DCLK2: variants seen among roughly 807,000 people sequenced by gnomAD.
DCLK2 encodes the protein serine/threonine-protein kinase DCLK2.
Under a neutral mutation model 78.4 loss-of-function variants are expected in DCLK2, and 31 were observed. The observed-to-expected ratio is 0.40, with a 90% CI of 0.30 to 0.53. The LOEUF (loss-of-function observed/expected upper bound fraction) is 0.53. Ranked by LOEUF, DCLK2 falls within the 20% of genes least tolerant of loss-of-function variation. DCLK2 has a pLI of 0.61. For synonymous variants in DCLK2, 407 were observed against 374.9 expected, an observed-to-expected ratio of 1.09 and a Z score of -0.99; for missense variants, 872 against 973.7, an observed-to-expected ratio of 0.90 and a Z score of 1.39.
intron 2 of DCLK2, among the ~76,000 whole-genome samples, chr4:150,108,083 C>T (rs1186514248): frequency 1.3e-5 from 2 of 152,210 alleles, no homozygotes; most frequent in Admixed American, 1.3e-4. Flanking sequence ...AATATATAAC[C>T]TATGTTTATA....
At chr4:150,237,928 A>G (rs75217958) in intron 10 of DCLK2, among the ~76,000 whole-genome samples, 3,382 of 152,106 alleles carry the variant, frequency 0.022, 124 homozygotes, top group African/African-American at 0.077. Flanking sequence ...TGGACATCCA[A>G]GAGACAAATA....
At chr4:150,204,233 C>T (rs1211986761) in intron 5 of DCLK2, among the ~76,000 whole-genome samples, 4 of 151,926 alleles carry the variant, frequency 2.6e-5, no homozygotes, top group African/African-American at 9.7e-5. Context: ...CATCATGATT[C>T]TTTAAAAAAT....
chr4:150,239,682 C>G, intron 10 of DCLK2, 60 bp from the exon 11 acceptor site: 1 of 1,588,086 alleles, frequency 6.3e-7, no homozygotes, highest in Non-Finnish European at 8.6e-7. Context: ...ATTCCAAGAG[C>G]CCTCTCACAA....
At chr4:150,128,832 A>T (rs1440967499) in intron 2 of DCLK2, among the ~76,000 whole-genome samples, 1 of 152,136 alleles carries the variant, frequency 6.6e-6, no homozygotes, top group African/African-American at 2.4e-5. Context: ...GATTTTACAA[A>T]ATCTTCATAA....
At chr4:150,254,464 T>G in intron 15 of DCLK2, 1 of 398,846 alleles carries the variant, frequency 2.5e-6, no homozygotes, top group Non-Finnish European at 4.4e-6. Flanking sequence ...ACTGCCAGCC[T>G]GCCTTCTGCC....
chr4:150,131,995 C>T (rs377400902), intron 2 of DCLK2, among the ~76,000 whole-genome samples: 5 of 152,130 alleles, frequency 3.3e-5, no homozygotes, highest in East Asian at 1.9e-4. Flanking sequence ...AACCAAGCCT[C>T]GGGCTGTATA....
chr4:150,190,181 C>T (rs1738304397), intron 2 of DCLK2, among the ~76,000 whole-genome samples: 1 of 151,192 alleles, frequency 6.6e-6, no homozygotes, highest in Non-Finnish European at 1.5e-5. Context: ...CTAGCCTGGG[C>T]AACAGAGTTG....
chr4:150,095,824 A>G (rs1411756156), intron 1 of DCLK2, among the ~76,000 whole-genome samples: 3 of 152,240 alleles, frequency 2.0e-5, no homozygotes, highest in African/African-American at 7.2e-5. Context: ...TCAGTGGAAG[A>G]GAGACAAGGA....
At chr4:150,143,592 G>A (rs1734253226) in intron 2 of DCLK2, among the ~76,000 whole-genome samples, 1 of 152,164 alleles carries the variant, frequency 6.6e-6, no homozygotes, top group Non-Finnish European at 1.5e-5. Context: ...GGATCGAATA[G>A]TAGTATAGTT....
chr4:150,164,526 T>C (rs1735927995), intron 2 of DCLK2, among the ~76,000 whole-genome samples: 1 of 152,210 alleles, frequency 6.6e-6, no homozygotes, highest in South Asian at 2.1e-4. Flanking sequence ...GGGTCGGATG[T>C]GGTGGCTCAC....
chr4:150,142,028 A>C (rs1340026585), intron 2 of DCLK2, among the ~76,000 whole-genome samples: 1 of 152,208 alleles, frequency 6.6e-6, no homozygotes, highest in Non-Finnish European at 1.5e-5. Flanking sequence ...TACTATATTA[A>C]ATTAAACTGT....
Position 150,226,325 on chromosome 4 carries a change from C to T in DCLK2, c.1299+1767C>T, listed in dbSNP as rs1741605417. Among the ~76,000 whole-genome samples the T allele has an allele frequency of 4.0e-5, 6 of 149,468 alleles. No homozygotes were observed. In the Admixed American group the frequency reaches 4.0e-4, roughly 10 times the overall value. ...TTCCTTTGAATAAGGTTTTCTTTTG[C>T]TTAATTTTCTTTAAATAATTTGATA... is the stretch of plus-strand genomic sequence containing the variant. On this transcript the variant is annotated intron_variant, in intron 8 of 15. Coordinates refer to ENST00000296550, the MANE Select transcript of DCLK2 (RefSeq NM_001040260.4).
intron 10 of DCLK2, among the ~76,000 whole-genome samples, chr4:150,239,093 G>A (rs757962388): frequency 2.0e-5 from 3 of 152,066 alleles, no homozygotes; most frequent in Non-Finnish European, 4.4e-5. Flanking sequence ...TCTACCTCCA[G>A]GATTAGAGGC....
At chr4:150,236,569 G>A (rs182355792) in intron 10 of DCLK2, among the ~76,000 whole-genome samples, 40 of 152,268 alleles carry the variant, frequency 2.6e-4, no homozygotes, top group Middle Eastern at 6.8e-3. Context: ...CCTGAACTCT[G>A]CCAGAAAGCC....
intron 2 of DCLK2, among the ~76,000 whole-genome samples, chr4:150,182,859 A>C (rs1737631144): frequency 6.6e-6 from 1 of 152,238 alleles, no homozygotes; most frequent in African/African-American, 2.4e-5. Flanking sequence ...AGCAATGTAG[A>C]AATATTTTGT....
intron 5 of DCLK2, among the ~76,000 whole-genome samples, chr4:150,213,376 G>A (rs1740453393): frequency 6.6e-6 from 1 of 152,218 alleles, no homozygotes; most frequent in Non-Finnish European, 1.5e-5. Flanking sequence ...CCCTCTGGGT[G>A]CTGATTCCGA....
intron 5 of DCLK2, among the ~76,000 whole-genome samples, chr4:150,208,481 G>T (rs1346663264): frequency 6.6e-6 from 1 of 151,916 alleles, no homozygotes; most frequent in South Asian, 2.1e-4. Flanking sequence ...GAGTGCAGTG[G>T]CGTGATCTTG....
At chr4:150,113,393 G>C (rs1164389473) in intron 2 of DCLK2, among the ~76,000 whole-genome samples, 1 of 151,970 alleles carries the variant, frequency 6.6e-6, no homozygotes, top group Non-Finnish European at 1.5e-5. Flanking sequence ...TGTTGTTGTT[G>C]GCAGTTTTTG....
intron 1 of DCLK2, among the ~76,000 whole-genome samples, chr4:150,099,198 G>A (rs1580497019): frequency 6.6e-6 from 1 of 152,268 alleles, no homozygotes; most frequent in Non-Finnish European, 1.5e-5. Flanking sequence ...AATCTTGCAG[G>A]TGCATAGTAT....
Sources: allele counts gnomAD v4.1 joint callset (sites outside exome capture counted in the v4.1 genomes callset), GRCh38; gene constraint gnomAD v4.1.1; transcripts MANE v1.5; gene names NCBI Gene and HGNC (gene_info 2026-07-23, HGNC 2026-07-21).